The following FAM20C variants were observed in gnomAD, a reference collection of about 807,000 sequenced individuals.
The protein encoded by FAM20C is FAM20C golgi associated secretory pathway kinase.
Under a neutral mutation model 51.5 loss-of-function variants are expected in FAM20C, and 40 were observed. That is an observed-to-expected ratio of 0.78 (90% CI 0.60 to 1.01). FAM20C has a LOEUF of 1.01. FAM20C is among the 50% of genes least tolerant of loss of function. FAM20C has a pLI of 0.00. For synonymous variants in FAM20C, 406 were observed against 380.6 expected (o/e 1.07, Z -0.78); for missense variants, 861 against 844.7 (o/e 1.02, Z -0.24).
chr7:222,345 GTGC>G (rs2115098252), intron 3 of FAM20C, among the ~76,000 whole-genome samples: 1 of 152,290 alleles, frequency 6.6e-6, no homozygotes, highest in East Asian at 1.9e-4. Context: ...GAGGAGCCCA[GTGC>G]TGCAGTTGGG....
At chr7:237,216 G>C (rs1051004737) in intron 3 of FAM20C, among the ~76,000 whole-genome samples, 3 of 152,216 alleles carry the variant, frequency 2.0e-5, no homozygotes, top group Admixed American at 1.3e-4. Context: ...GATTGGCCTC[G>C]AGGCAGGGCC....
chr7:257,284 G>T (rs1402487915), intron 8 of FAM20C, 198 bp downstream of exon 8: 2 of 593,538 alleles, frequency 3.4e-6, no homozygotes, highest in Non-Finnish European at 6.0e-6. Context: ...CCCGGGAGTG[G>T]GACCTCCGAG....
intron 2 of FAM20C, among the ~76,000 whole-genome samples, chr7:196,404 G>A (rs1785874354): frequency 6.6e-6 from 1 of 152,236 alleles, no homozygotes; most frequent in Admixed American, 6.5e-5. Flanking sequence ...TGGTGCCATT[G>A]TTCTCAGCTT....
At position 196,969 on chromosome 7, in the gene FAM20C, C is replaced by T. The variant is rs144206289; in HGVS notation, c.784+1237C>T. 6.0e-3 allele frequency among the ~76,000 whole-genome samples: 910 copies of T among 152,256 alleles called. 9 individuals carry two copies. The highest frequency in any genetic ancestry group is 0.02 in the African/African-American group (840 of 41,536). On this transcript the variant is annotated intron_variant, in intron 2 of 9. Transcript: ENST00000313766. ...CCCTCCAGGCCCCCCTCCGTGAAAG[C>T]GCTGCCTTTCTCCTGCCCCTGCAGC... is the stretch of plus-strand genomic sequence containing the variant.
At chr7:195,388 G>A (rs1785808280) in intron 1 of FAM20C, 166 bp from the exon 2 acceptor site, 1 of 526,392 alleles carries the variant, frequency 1.9e-6, no homozygotes, top group South Asian at 5.6e-5. Flanking sequence ...GGCCACAGAA[G>A]AAAGCGCAGA....
At chr7:227,455 T>G (rs911764930) in intron 3 of FAM20C, 5 of 149,214 alleles carry the variant, frequency 3.4e-5, no homozygotes, top group Non-Finnish European at 7.4e-5. Flanking sequence ...GCATTTAGTT[T>G]ATTTTTCTTA....
rs986829388 is a variant in FAM20C at position 233,860 on chromosome 7, A to G, written c.864-12555A>G. The stretch of plus-strand genomic sequence containing the variant: ...AGTCGTCATTCCTACTTTAGTATGA[A>G]TAACCACAATTAGTACACCTCCTGT... On this transcript the variant is annotated intron_variant, in intron 3 of 9. Coordinates refer to ENST00000313766, the MANE Select transcript of FAM20C (RefSeq NM_020223.4). 1.2e-4 allele frequency among the ~76,000 whole-genome samples: 18 copies of G among 152,376 alleles called. No homozygotes were observed. The South Asian group carries it at 3.5e-3, about 30-fold the overall frequency.
In FAM20C at chr7:193,115, G is replaced by A; in HGVS notation, c.-85G>A. 8.0e-7 allele frequency: 1 copy of A among 1,252,962 alleles called. No individual in the cohort carries two copies. The highest frequency in any genetic ancestry group is 1.0e-6 in the Non-Finnish European group (1 of 970,734). 77.6% of individuals were successfully genotyped at this position (1,252,962 alleles called of 1,614,324 possible). ...CCGGCACCGATGGACCTTGACCCGC[G>A]AGGCGGCGCCGCGCTCGTGCCCAGC... On this transcript the variant is annotated 5_prime_UTR_variant, in exon 1 of 10. Transcript: ENST00000313766.
intron 3 of FAM20C, among the ~76,000 whole-genome samples, chr7:244,583 A>G (rs2115140685): frequency 6.6e-6 from 1 of 152,314 alleles, no homozygotes; most frequent in Admixed American, 6.5e-5. Context: ...CAGCATGTTC[A>G]GTTTGCCGCC....
At chr7:252,538 T>C (rs541557953) in intron 5 of FAM20C, among the ~76,000 whole-genome samples, 2 of 152,066 alleles carry the variant, frequency 1.3e-5, no homozygotes, top group South Asian at 2.1e-4. Context: ...CCAGAGCACA[T>C]TGGAGGGCTG....
intron 2 of FAM20C, among the ~76,000 whole-genome samples, chr7:204,492 G>T (rs1012435858): frequency 6.6e-6 from 1 of 152,254 alleles, no homozygotes; most frequent in Admixed American, 6.5e-5. Context: ...AGCAGACGCT[G>T]CCTGGAGGGA....
At chr7:206,521 T>C (rs36120255) in intron 2 of FAM20C, among the ~76,000 whole-genome samples, 113 of 131,166 alleles carry the variant, frequency 8.6e-4, no homozygotes, top group East Asian at 5.6e-3. Context: ...GCGTCTGTCA[T>C]GGTCCCCTCG....
chr7:231,904 G>A (rs1186969261), intron 3 of FAM20C, among the ~76,000 whole-genome samples: 2 of 152,130 alleles, frequency 1.3e-5, no homozygotes, highest in Non-Finnish European at 2.9e-5. Flanking sequence ...GCGGTCCTCT[G>A]TGCTGAGCAG....
chr7:195,831 T>C, intron 2 of FAM20C, 99 bp downstream of exon 2: 1 of 1,221,986 alleles, frequency 8.2e-7, no homozygotes, highest in Non-Finnish European at 1.1e-6. Context: ...TGGGAGGCCG[T>C]TGCTCATTAC....
intron 3 of FAM20C, among the ~76,000 whole-genome samples, chr7:218,942 G>A (rs1344359161): frequency 2.6e-5 from 4 of 152,152 alleles, no homozygotes; most frequent in Non-Finnish European, 5.9e-5. Context: ...GCTGACACGG[G>A]CCCAGGACGG....
intron 3 of FAM20C, chr7:228,574 C>T (rs1019953469): frequency 8.8e-6 from 4 of 456,274 alleles, no homozygotes; most frequent in East Asian, 1.4e-4. Flanking sequence ...CCTACACCCC[C>T]AGCTCTCCTC....
rs770597698 is a variant in FAM20C, at chr7:208,950, C to T, written c.837C>T (p.Tyr279=). 45 of 1,585,344 alleles carry T rather than the reference C, an allele frequency of 2.8e-5. No individual in the cohort carries two copies. Among genetic ancestry groups the T allele is most frequent in the Admixed American group, 5.4e-5 (3 of 55,726 alleles). The change falls in exon 3 of 10, where the codon TAC becomes TAT. Residue 279 remains tyrosine, a synonymous_variant. Coordinates refer to ENST00000313766, the MANE Select transcript of FAM20C (RefSeq NM_020223.4). ...AGCTCATCATGACCTTCCAGAATTA[C>T]GGGCAAGCGCTGTTCAAACCCATGA... ...QLKLIMTFQN[Y]GQALFKPMKQ... is the part of the protein sequence containing the mutation.
intron 1 of FAM20C, 51 bp downstream of exon 1, chr7:193,855 G>C (rs904557178): frequency 7.2e-6 from 11 of 1,536,974 alleles, no homozygotes; most frequent in Non-Finnish European, 9.7e-6. Flanking sequence ...TGAGCCCAAG[G>C]CATGGTGTAG....
intron 3 of FAM20C, among the ~76,000 whole-genome samples, chr7:226,405 G>T (rs576221106): frequency 6.6e-6 from 1 of 152,206 alleles, no homozygotes; most frequent in African/African-American, 2.4e-5. Flanking sequence ...ACTCAGAGGG[G>T]CGTGCCACAA....
Sources: gnomAD v4.1 joint callset for allele counts (sites outside exome capture counted in the v4.1 genomes callset) on GRCh38, gnomAD v4.1.1 for gene constraint, MANE v1.5 for transcripts, NCBI Gene and HGNC (gene_info 2026-07-23, HGNC 2026-07-21) for gene names.